SUPT3H: variants seen among roughly 807,000 people sequenced by gnomAD.
SUPT3H encodes SPT3 homolog, SAGA and STAGA complex component.
In SUPT3H, 44 loss-of-function variants were observed where a neutral mutation model predicts 44.3. That is an observed-to-expected ratio of 0.99 (90% CI 0.78 to 1.28). SUPT3H has a LOEUF of 1.28. SUPT3H is among the 50% of genes most tolerant of loss of function. The probability of loss-of-function intolerance (pLI) is 0.00; values close to 1 mark genes in which losing one functional copy is unlikely to be tolerated. For synonymous variants in SUPT3H, 124 were observed against 125.6 expected, an observed-to-expected ratio of 0.99 and a Z score of 0.09; for missense variants, 380 against 387.1, an observed-to-expected ratio of 0.98 and a Z score of 0.15.
intron 3 of SUPT3H, among the ~76,000 whole-genome samples, chr6:45,079,797 G>C (rs1157128055): frequency 6.6e-6 from 1 of 152,134 alleles, no homozygotes. Flanking sequence ...CAGAAGTCAA[G>C]TCAAAATGGA....
chr6:45,143,103 A>G (rs559231293), intron 2 of SUPT3H, among the ~76,000 whole-genome samples: 2 of 152,224 alleles, frequency 1.3e-5, no homozygotes, highest in South Asian at 4.1e-4. Flanking sequence ...CAGCAACACA[A>G]TAATAGTGGG....
chr6:45,314,992 T>G (rs1007656279), intron 2 of SUPT3H, among the ~76,000 whole-genome samples: 4 of 151,978 alleles, frequency 2.6e-5, no homozygotes, highest in Non-Finnish European at 4.4e-5. Flanking sequence ...CAAATACTTA[T>G]AGCCAACTGA....
chr6:45,175,901 G>A (rs1811708494), intron 2 of SUPT3H, among the ~76,000 whole-genome samples: 1 of 152,152 alleles, frequency 6.6e-6, no homozygotes, highest in Non-Finnish European at 1.5e-5. Context: ...TAGACTGGCT[G>A]ATTTCCTTTG....
chr6:45,047,864 A>C (rs1789645863), intron 3 of SUPT3H, among the ~76,000 whole-genome samples: 1 of 151,598 alleles, frequency 6.6e-6, no homozygotes, highest in South Asian at 2.1e-4. Flanking sequence ...GTAATTTTTC[A>C]TATATGTGTT....
At chr6:45,000,051 T>C (rs1262094134) in intron 6 of SUPT3H, among the ~76,000 whole-genome samples, 3 of 151,952 alleles carry the variant, frequency 2.0e-5, no homozygotes, top group Non-Finnish European at 2.9e-5. Context: ...TGAATTTGCA[T>C]ATGTAAATGT....
intron 10 of SUPT3H, among the ~76,000 whole-genome samples, chr6:44,927,953 TATACC>T (rs954722145): frequency 6.6e-6 from 1 of 152,222 alleles, no homozygotes; most frequent in African/African-American, 2.4e-5. Flanking sequence ...TTTTAAAAAA[TATACC>T]ATAGCTACTA....
At chr6:45,327,225 C>T (rs577600452) in intron 2 of SUPT3H, among the ~76,000 whole-genome samples, 251 of 152,000 alleles carry the variant, frequency 1.7e-3, no homozygotes, top group Non-Finnish European at 2.7e-3. Flanking sequence ...GGGCATTATT[C>T]CTTACTACAC....
intron 10 of SUPT3H, among the ~76,000 whole-genome samples, chr6:44,893,215 T>C (rs939944824): frequency 3.3e-5 from 5 of 152,116 alleles, no homozygotes; most frequent in Admixed American, 2.0e-4. Flanking sequence ...TCTGGAAAAA[T>C]AATAAAAATG....
intron 3 of SUPT3H, among the ~76,000 whole-genome samples, chr6:45,102,360 A>C (rs963651407): frequency 2.6e-5 from 4 of 152,186 alleles, no homozygotes; most frequent in Admixed American, 2.0e-4. Context: ...ACAGCAGCAG[A>C]AAGCAATAAG....
intron 2 of SUPT3H, among the ~76,000 whole-genome samples, chr6:45,267,660 T>C (rs1775474428): frequency 6.6e-6 from 1 of 152,220 alleles, no homozygotes; most frequent in Non-Finnish European, 1.5e-5. Flanking sequence ...ATCCAATATA[T>C]TGCACTTAGC....
chr6:45,308,565 A>G (rs1019430750), intron 2 of SUPT3H, among the ~76,000 whole-genome samples: 1 of 152,174 alleles, frequency 6.6e-6, no homozygotes, highest in Non-Finnish European at 1.5e-5. Context: ...TGTCACCACC[A>G]GGCCTGCCCT....
intron 2 of SUPT3H, among the ~76,000 whole-genome samples, chr6:45,231,544 A>C (rs1255592580): frequency 1.3e-5 from 2 of 152,136 alleles, no homozygotes; most frequent in African/African-American, 4.8e-5. Flanking sequence ...CACTGACTTT[A>C]GGCAATTTCA....
intron 2 of SUPT3H, among the ~76,000 whole-genome samples, chr6:45,141,110 C>A (rs561616823): frequency 6.6e-6 from 1 of 151,924 alleles, no homozygotes; most frequent in South Asian, 2.1e-4. Context: ...GAGGCCAAGG[C>A]GGGTGGATCA....
chr6:45,000,494 A>C (rs1162425923), intron 6 of SUPT3H, among the ~76,000 whole-genome samples: 19 of 152,034 alleles, frequency 1.2e-4, no homozygotes, highest in Non-Finnish European at 2.4e-4. Flanking sequence ...CCTGGGACTC[A>C]AAATCTCCAG....
At chr6:45,104,784 T>C (rs1799053614) in intron 3 of SUPT3H, among the ~76,000 whole-genome samples, 1 of 151,844 alleles carries the variant, frequency 6.6e-6, no homozygotes, top group Admixed American at 6.6e-5. Context: ...ACAAAAGTAG[T>C]CTCAAACAAA....
At chr6:45,126,174 T>C (rs574907079) in intron 2 of SUPT3H, among the ~76,000 whole-genome samples, 9 of 152,290 alleles carry the variant, frequency 5.9e-5, no homozygotes, top group Middle Eastern at 3.4e-3. Flanking sequence ...TAAATACCCA[T>C]TGGAAAAAAA....
chr6:44,947,470 G>A (rs969952296), intron 9 of SUPT3H, among the ~76,000 whole-genome samples: 1 of 152,148 alleles, frequency 6.6e-6, no homozygotes. Context: ...CATGGATTGT[G>A]AGACTTAGTA....
At chr6:45,179,942 T>C (rs1812812178) in intron 2 of SUPT3H, among the ~76,000 whole-genome samples, 2 of 152,288 alleles carry the variant, frequency 1.3e-5, no homozygotes, top group African/African-American at 2.4e-5. Flanking sequence ...TGTTTGCAGA[T>C]GACATGATTG....
At chr6:45,120,440 A>AAAG (rs1209354490) in intron 2 of SUPT3H, among the ~76,000 whole-genome samples, 3 of 148,086 alleles carry the variant, frequency 2.0e-5, no homozygotes, top group African/African-American at 7.4e-5. Context: ...AAAAAAAAAA[A>AAAG]AGACTATATA....
Sources: allele counts gnomAD v4.1 joint callset (sites outside exome capture counted in the v4.1 genomes callset), GRCh38; gene constraint gnomAD v4.1.1; transcripts MANE v1.5; gene names NCBI Gene and HGNC (gene_info 2026-07-23, HGNC 2026-07-21).